Variants in MDM4 observed in about 807,000 individuals in gnomAD.
The protein encoded by MDM4 is MDM4 regulator of p53, also known as protein Mdm4.
Under a neutral mutation model 60.2 loss-of-function variants are expected in MDM4, and 2 were observed. The ratio of observed to expected loss-of-function variants is 0.03; its 90% confidence interval spans 0.01 to 0.10. MDM4 has a LOEUF of 0.10. Among genes scored for constraint, MDM4 ranks in the 10% least tolerant of loss-of-function variants. MDM4 has a pLI of 1.00. For synonymous variants in MDM4, 202 were observed against 198.1 expected (o/e 1.02, Z -0.17); for missense variants, 447 against 577.5 (o/e 0.77, Z 2.32).
chr1:204,533,459 T>C (rs1371948089), intron 5 of MDM4, among the ~76,000 whole-genome samples: 3 of 152,128 alleles, frequency 2.0e-5, no homozygotes, highest in Non-Finnish European at 2.9e-5. Context: ...CGGGCTCAGG[T>C]GATTCTCCCA....
intron 3 of MDM4, chr1:204,529,447 C>A: frequency 6.6e-7 from 1 of 1,511,210 alleles, no homozygotes; most frequent in Non-Finnish European, 9.1e-7. Flanking sequence ...GGAGCTGTAC[C>A]ATCATTTGGT....
In MDM4 at chr1:204,554,664, A is replaced by G; in HGVS notation, c.*4982A>G. Reference sequence around the variant, plus strand: ...GGAATATTGAGGCCCCTAAGGCTAAACAAAATAATCAGTATCTGAGATAGT... The same window carrying G: ...GGAATATTGAGGCCCCTAAGGCTAAGCAAAATAATCAGTATCTGAGATAGT... On this transcript the variant is annotated 3_prime_UTR_variant, in exon 11 of 11. Coordinates refer to ENST00000367182, the MANE Select transcript of MDM4 (RefSeq NM_002393.5). 1 of 227,850 alleles carries G rather than the reference A, an allele frequency of 4.4e-6. No individual in the cohort carries two copies. The highest frequency in any genetic ancestry group is 8.7e-6 in the Non-Finnish European group (1 of 114,696). The allele number at this position is 227,850 out of a possible 1,614,324, so 14.1% of individuals were successfully genotyped here.
intron 3 of MDM4, 29 bp downstream of exon 3, chr1:204,526,463 T>G (rs761229757): frequency 1.3e-6 from 2 of 1,497,568 alleles, no homozygotes; most frequent in Non-Finnish European, 1.8e-6. Context: ...TTCTCATTTT[T>G]TTTGTTTTTT....
In MDM4 at chr1:204,532,736, T is replaced by A. The variant is rs377166536; in HGVS notation, c.343+490T>A. ...GTCTTTAATCTATAAAACTTAACTT[T>A]CCTTTTGTTTTCATGTCATTTACGT... is the stretch of plus-strand genomic sequence containing the variant. On this transcript the variant is annotated intron_variant, in intron 5 of 10. Transcript: ENST00000367182. The A allele has an allele frequency of 1.6e-5, 25 of 1,605,158 alleles. No individual in the cohort carries two copies. The African/African-American group carries it at 2.7e-4, about 17-fold the overall frequency.
chr1:204,544,742 T>G lies in MDM4; in HGVS notation c.822+58T>G, dbSNP rs1194370466. On this transcript the variant is annotated intron_variant, in intron 9 of 10. Transcript: ENST00000367182. ...TTTGTGTGCTCATAGTATCATCTGT[T>G]GAGATTTCTTTGTATCTGTTTTTAC... 6.0e-6 allele frequency: 9 copies of G among 1,490,170 alleles called. 1 individual carries two copies. In the Admixed American group the frequency reaches 1.7e-4, roughly 29 times the overall value. The allele number at this position is 1,490,170 out of a possible 1,614,324, so 92.3% of individuals were successfully genotyped here.
intron 10 of MDM4, among the ~76,000 whole-genome samples, chr1:204,547,827 G>T (rs1395409569): frequency 6.6e-6 from 1 of 152,352 alleles, no homozygotes; most frequent in Non-Finnish European, 1.5e-5. Context: ...GGCTTCGAGC[G>T]ATTCTCCTGC....
At chr1:204,522,955 C>T (rs1260917635) in intron 1 of MDM4, among the ~76,000 whole-genome samples, 1 of 151,310 alleles carries the variant, frequency 6.6e-6, no homozygotes, top group Admixed American at 6.6e-5. Context: ...CTCCGCCTCC[C>T]AGGTTCAAGT....
At chr1:204,548,970 C>A in intron 10 of MDM4, 143 bp from the exon 11 acceptor site, 2 of 603,648 alleles carry the variant, frequency 3.3e-6, no homozygotes, top group South Asian at 2.2e-5. Context: ...CTTCATGTGG[C>A]TGTAGAATTT....
At chr1:204,539,018 C>T (rs1256713821) in intron 7 of MDM4, among the ~76,000 whole-genome samples, 9 of 152,030 alleles carry the variant, frequency 5.9e-5, no homozygotes, top group East Asian at 3.9e-4. Context: ...TACAGGCGCA[C>T]GCCACCACAC....
At chr1:204,531,329 A>G (rs1660828223) in intron 4 of MDM4, among the ~76,000 whole-genome samples, 1 of 152,174 alleles carries the variant, frequency 6.6e-6, no homozygotes, top group South Asian at 2.1e-4. Flanking sequence ...TGAGCAGATG[A>G]GAGAAATGTA....
intron 9 of MDM4, among the ~76,000 whole-genome samples, chr1:204,545,945 A>T (rs533943625): frequency 2.6e-5 from 4 of 152,282 alleles, no homozygotes; most frequent in Middle Eastern, 3.4e-3. Context: ...TGGACCACAA[A>T]ACTAGGGCTT....
chr1:204,553,654 G>C lies in MDM4; in HGVS notation c.*3972G>C. On this transcript the variant is annotated 3_prime_UTR_variant, in exon 11 of 11. Transcript: ENST00000367182. ...ATTAATATTTATGATTGTTATCTTG[G>C]GCGAAAAGTTCAGAGCAGAGATGAC... 1 of 227,564 alleles carries C rather than the reference G, an allele frequency of 4.4e-6. No homozygotes were observed. Among genetic ancestry groups the C allele is most frequent in the East Asian group, 6.3e-5 (1 of 15,812 alleles). The allele number at this position is 227,564 out of a possible 1,614,324, so 14.1% of individuals were successfully genotyped here.
rs1465467034 is a variant in MDM4 at position 204,537,921 on chromosome 1, A to G, written c.412-288A>G. 4.3e-6 allele frequency: 3 copies of G among 697,468 alleles called. No individual in the cohort carries two copies. In the East Asian group the frequency reaches 8.9e-5, roughly 21 times the overall value. The allele number at this position is 697,468 out of a possible 1,614,324, so 43.2% of individuals were successfully genotyped here. On this transcript the variant is annotated intron_variant, in intron 6 of 10. Transcript: ENST00000367182. ...TCATATGTTTTCTGAATTATGCCTA[A>G]TTTTGTAGTAGACTGGAGGGTTTAT... is the stretch of plus-strand genomic sequence containing the variant.
At chr1:204,525,734 C>T (rs923469645) in intron 2 of MDM4, 138 bp downstream of exon 2, 3 of 616,406 alleles carry the variant, frequency 4.9e-6, no homozygotes, top group South Asian at 2.1e-5. Flanking sequence ...GTGTTTGAGA[C>T]CAGCCTTGGC....
intron 5 of MDM4, chr1:204,532,514 A>G (rs756286620): frequency 1.8e-6 from 1 of 552,384 alleles, no homozygotes; most frequent in South Asian, 2.7e-5. Context: ...AATCTCTAGC[A>G]GATAAGGACT....
chr1:204,539,539 G>GTTTTTTTT (rs1027772704), intron 7 of MDM4, among the ~76,000 whole-genome samples: 1 of 110,762 alleles, frequency 9.0e-6, no homozygotes, highest in Non-Finnish European at 2.1e-5. Context: ...GTTTTGTTTT[G>GTTTTTTTT]TTTTTTTTTT....
At position 204,553,807 on chromosome 1, in the gene MDM4, A is replaced by T. The variant is rs993706161; in HGVS notation, c.*4125A>T. On this transcript the variant is annotated 3_prime_UTR_variant, in exon 11 of 11. Coordinates refer to ENST00000367182, the MANE Select transcript of MDM4 (RefSeq NM_002393.5). ...GCTTTTTTATTTAATGCTTAAATCA[A>T]ACTTTATAAAAATCTTAGACCAGAT... The T allele has an allele frequency of 9.1e-6, 2 of 219,344 alleles. No homozygotes were observed. Among genetic ancestry groups the T allele is most frequent in the Non-Finnish European group, 1.8e-5 (2 of 109,378 alleles). The allele number at this position is 219,344 out of a possible 1,614,324, so 13.6% of individuals were successfully genotyped here.
rs540772233 is a variant in MDM4 at position 204,525,466 on chromosome 1, A to T, written c.-35-18A>T. 94 of 1,550,174 alleles carry T rather than the reference A, an allele frequency of 6.1e-5. No individual in the cohort carries two copies. In the East Asian group the frequency reaches 1.5e-3, roughly 25 times the overall value. On this transcript the variant is annotated intron_variant, in intron 1 of 10. Coordinates refer to ENST00000367182, the MANE Select transcript of MDM4 (RefSeq NM_002393.5). ...TTCTGCATTAGAATAGATGTTATAAATTTTTTTTTCTATTTAGTTTTACCA... is the reference window on the plus strand; with the variant it reads ...TTCTGCATTAGAATAGATGTTATAATTTTTTTTTTCTATTTAGTTTTACCA...
chr1:204,553,994 G>A lies in MDM4; in HGVS notation c.*4312G>A, dbSNP rs1196958645. 3.1e-5 allele frequency: 7 copies of A among 224,988 alleles called. No homozygotes were observed. In the East Asian group the frequency reaches 3.2e-4, roughly 10 times the overall value. The allele number at this position is 224,988 out of a possible 1,614,324, so 13.9% of individuals were successfully genotyped here. A position where few individuals can be genotyped will look rare whatever the true frequency, so the allele number is the denominator to read the frequency against. ...CACTGCCAAGCATTTGAAATATGCA[G>A]TTGTGTTTTAATTATAATTTATGTA... is the stretch of plus-strand genomic sequence containing the variant. On this transcript the variant is annotated 3_prime_UTR_variant, in exon 11 of 11. Coordinates refer to ENST00000367182, the MANE Select transcript of MDM4 (RefSeq NM_002393.5).
Sources: allele counts gnomAD v4.1 joint callset (sites outside exome capture counted in the v4.1 genomes callset), GRCh38; gene constraint gnomAD v4.1.1; transcripts MANE v1.5; gene names NCBI Gene and HGNC (gene_info 2026-07-23, HGNC 2026-07-21).